Variants in ITGAD observed in about 807,000 individuals in gnomAD.
ITGAD encodes integrin alpha-D.
A neutral mutation model predicts 139.0 loss-of-function variants in ITGAD; 105 were observed. The ratio of observed to expected loss-of-function variants is 0.76; its 90% CI spans 0.65 to 0.89. ITGAD has a LOEUF of 0.89. ITGAD is among the 40% of genes least tolerant of loss of function. The probability of loss-of-function intolerance (pLI) is 0.00; values close to 1 mark genes in which losing one functional copy is unlikely to be tolerated. For synonymous variants in ITGAD, 569 were observed against 598.3 expected, an observed-to-expected ratio of 0.95 and a Z score of 0.71; for missense variants, 1,384 against 1,487.3, an observed-to-expected ratio of 0.93 and a Z score of 1.14.
At position 31,410,796 on chromosome 16, in the gene ITGAD, G is replaced by C; in HGVS notation, c.1274G>C (p.Arg425Pro). The change falls in exon 12 of 30, where the codon CGC becomes CCC. Residue 425 changes from arginine to proline, a missense_variant. Transcript: ENST00000389202. ...GVQNLVLGAPRYQHTGKAVIF... is the reference protein window; with the variant it reads ...GVQNLVLGAPPYQHTGKAVIF... ...CAGAACCTGGTCCTGGGGGCCCCCC[G>C]CTACCAGCATACCGGGAAGGCTGTC... The C allele has an allele frequency of 6.2e-7, 1 of 1,613,652 alleles. No homozygotes were observed. Among genetic ancestry groups the C allele is most frequent in the Non-Finnish European group, 8.5e-7 (1 of 1,179,890 alleles).
chr16:31,408,493 A>G lies in ITGAD; in HGVS notation c.1078A>G (p.Thr360Ala), dbSNP rs1239332360. 3 of 1,613,556 alleles carry G rather than the reference A, an allele frequency of 1.9e-6. No individual in the cohort carries two copies. The highest frequency in any genetic ancestry group is 2.2e-5 in the East Asian group (1 of 44,878). ...CCAAGAAGGCTTCAGCACAGCCCTCACAATGGTGGGTAGAGCCTGCCCTCA... is the reference window on the plus strand; with the variant it reads ...CCAAGAAGGCTTCAGCACAGCCCTCGCAATGGTGGGTAGAGCCTGCCCTCA... Reference protein sequence around the residue: ...MSQEGFSTALTMDGLFLGAVG... With the variant: ...MSQEGFSTALAMDGLFLGAVG... Residue 360 changes from threonine to alanine, a missense_variant, in exon 10 of 30, where the codon ACA becomes GCA. Transcript: ENST00000389202.
At chr16:31,418,819 G>A (rs1480016153) in intron 23 of ITGAD, among the ~76,000 whole-genome samples, 5 of 152,062 alleles carry the variant, frequency 3.3e-5, no homozygotes, top group Non-Finnish European at 5.9e-5. Context: ...TCAGGAGTTC[G>A]AGACCAGCTT....
Position 31,403,526 on chromosome 16 carries a change from C to A in ITGAD, c.585C>A (p.Leu195=). ...TLFALMQYSN[L]LKIHFTFTQF... ...TTGCACTGATGCAGTACTCAAACCT[C>A]CTGAAGATCCACTTCACCTTCACCC... The change falls in exon 7 of 30, where the codon CTC becomes CTA. Residue 195 remains leucine, a synonymous_variant. Transcript: ENST00000389202. This position sits in a 1 kb window ranked among gnomAD's most constrained non-coding sequence, Gnocchi z 4.4. 6.2e-7 allele frequency: 1 copy of A among 1,614,210 alleles called. No individual in the cohort carries two copies. Among genetic ancestry groups the A allele is most frequent in the Non-Finnish European group, 8.5e-7 (1 of 1,180,046 alleles).
intron 2 of ITGAD, 109 bp downstream of exon 2, chr16:31,394,450 A>C (rs771865204): frequency 8.5e-6 from 6 of 703,712 alleles, no homozygotes; most frequent in Non-Finnish European, 1.5e-5. Context: ...AGCAGGGGTG[A>C]GAAGTCTTCC....
rs749274631 is a variant in ITGAD, at chr16:31,397,477, G to C, written c.241+15G>C. On this transcript the variant is annotated intron_variant, in intron 3 of 29. Transcript: ENST00000389202. ...CCCGCTGCACAGTGAGTGACCACCT[G>C]GGAATTGGGCCCCTCAACCCTCCTG... 25 of 1,584,788 alleles carry C rather than the reference G, an allele frequency of 1.6e-5. No homozygotes were observed. In the South Asian group the frequency reaches 2.3e-4, roughly 14 times the overall value.
At chr16:31,414,641 AG>A (rs201022503) in intron 17 of ITGAD, 36 bp downstream of exon 17, 55,575 of 1,612,546 alleles carry the variant, frequency 0.034, 1,135 homozygotes, top group Non-Finnish European at 0.042. Context: ...GGGAGAGAGG[AG>A]GAGCCCAAGG....
intron 29 of ITGAD, 102 bp downstream of exon 29, chr16:31,424,679 C>G (rs1171859264): frequency 1.5e-6 from 1 of 673,798 alleles, no homozygotes; most frequent in Admixed American, 3.1e-5. Context: ...CTCACTGCAA[C>G]CTCCACCTCC....
At chr16:31,414,094 C>A (rs1330391397) in intron 16 of ITGAD, among the ~76,000 whole-genome samples, 2 of 152,138 alleles carry the variant, frequency 1.3e-5, no homozygotes, top group African/African-American at 4.8e-5. Flanking sequence ...AATCACCTAT[C>A]TAATCTATCA....
At chr16:31,395,593 G>A (rs1392883585) in intron 2 of ITGAD, among the ~76,000 whole-genome samples, 1 of 152,172 alleles carries the variant, frequency 6.6e-6, no homozygotes, top group African/African-American at 2.4e-5. Context: ...GAGAGCAGAA[G>A]AAAGGTAAGA....
At chr16:31,410,053 C>T (rs775337799) in intron 10 of ITGAD, among the ~76,000 whole-genome samples, 3 of 152,030 alleles carry the variant, frequency 2.0e-5, no homozygotes, top group Non-Finnish European at 4.4e-5. Context: ...GGCTCCATGG[C>T]TTTGATGGGG....
At position 31,397,598 on chromosome 16, in the gene ITGAD, C is replaced by T. The variant is rs777928308; in HGVS notation, c.244C>T (p.Arg82Cys). 46 of 1,606,538 alleles carry T rather than the reference C, an allele frequency of 2.9e-5. No individual in the cohort carries two copies. Among genetic ancestry groups the T allele is most frequent in the African/African-American group, 6.7e-5 (5 of 74,856 alleles). The change falls in exon 4 of 30, where the codon CGC becomes TGC. Residue 82 changes from arginine (R) to cysteine (C), a missense_variant and splice_region_variant. Transcript: ENST00000389202. ...ACCCCGCGTGTCTGCCCTTGCAGTC[C>T]GCCCTGAGGCCGTGAACATGTCCTT... is the stretch of plus-strand genomic sequence containing the variant. ...GMCQPIPLHI[R>C]PEAVNMSLGL...
intron 7 of ITGAD, chr16:31,404,689 G>T (rs1302625025): frequency 6.6e-6 from 1 of 152,364 alleles, no homozygotes; most frequent in East Asian, 1.9e-4. Context: ...TGCCCAGACT[G>T]CAGGAAATTT....
chr16:31,416,104 G>C (rs1454697149), intron 18 of ITGAD, 109 bp from the exon 19 acceptor site: 7 of 837,656 alleles, frequency 8.4e-6, no homozygotes, highest in Admixed American at 2.4e-5. Flanking sequence ...CCAGCAAAGT[G>C]CTGGGGGCAG....
At position 31,403,803 on chromosome 16, in the gene ITGAD, C is replaced by A; in HGVS notation, c.704+158C>A. 1 of 838,920 alleles carries A rather than the reference C, an allele frequency of 1.2e-6. No individual in the cohort carries two copies. Among genetic ancestry groups the A allele is most frequent in the South Asian group, 1.7e-5 (1 of 57,358 alleles). The allele number at this position is 838,920 out of a possible 1,614,324, so 52.0% of individuals were successfully genotyped here. A position where few individuals can be genotyped will look rare whatever the true frequency, so the allele number is the denominator to read the frequency against. The stretch of plus-strand genomic sequence containing the variant: ...AGGGAGAACCTCCCCCCGGGGTGCT[C>A]CTGGTTGCCTCGCTGCCAGTCTCCC... On this transcript the variant is annotated intron_variant, in intron 7 of 29. Coordinates refer to ENST00000389202, the MANE Select transcript of ITGAD (RefSeq NM_005353.3). The surrounding 1 kb of genome is among the most constrained non-coding windows in gnomAD (Gnocchi z 4.4).
chr16:31,398,472 T>C (rs1597108082), intron 5 of ITGAD, among the ~76,000 whole-genome samples: 2 of 150,478 alleles, frequency 1.3e-5, no homozygotes, highest in Non-Finnish European at 3.0e-5. Context: ...TCAGGCTGCA[T>C]GCACCACCAC....
chr16:31,396,804 T>C (rs186636707), intron 2 of ITGAD, among the ~76,000 whole-genome samples: 24 of 152,352 alleles, frequency 1.6e-4, no homozygotes, highest in Admixed American at 9.2e-4. Flanking sequence ...AATAAACCCT[T>C]GACTCTACAT....
rs772405426 is a variant in ITGAD, at chr16:31,411,191, T to G, written c.1472T>G (p.Val491Gly). The G allele has an allele frequency of 1.2e-6, 2 of 1,613,812 alleles. No individual in the cohort carries two copies. The highest frequency in any genetic ancestry group is 1.7e-6 in the Non-Finnish European group (2 of 1,179,866). The change falls in exon 13 of 30, where the codon GTG (valine) becomes GGG (glycine). Residue 491 changes from valine to glycine, a missense_variant. Physicochemically the swap from Val to Gly is moderately radical, Grantham distance 109. Coordinates refer to ENST00000389202, the MANE Select transcript of ITGAD (RefSeq NM_005353.3). The part of the protein sequence containing the change: ...HYYEQTRGGQ[V>G]SVCPLPRGRV... ...TATGAGCAGACCCGAGGGGGCCAGGTGTCCGTGTGTCCCTTGCCTAGGGGG... is the reference window on the plus strand; with the variant it reads ...TATGAGCAGACCCGAGGGGGCCAGGGGTCCGTGTGTCCCTTGCCTAGGGGG...
At chr16:31,410,609 C>T in intron 11 of ITGAD, 85 bp downstream of exon 11, 1 of 1,132,214 alleles carries the variant, frequency 8.8e-7, no homozygotes, top group South Asian at 1.5e-5. Context: ...GGGATGGGCG[C>T]TGTGCTGCCT....
rs754064352 is a variant in ITGAD, at chr16:31,397,659, G to T, written c.305G>T (p.Arg102Leu). Residue 102 changes from arginine (R) to leucine (L), a missense_variant, in exon 4 of 30, where the codon CGG becomes CTG. Arg to Leu is a moderately radical substitution (Grantham distance 102). Transcript: ENST00000389202. ...CTGGCAGCCTCCACCAACGGCTCCC[G>T]GCTCCTGGTGAGTGAGTGTCTTGGG... ...LTLAASTNGS[R>L]LLACGPTLHR... is the part of the protein sequence containing the mutation. 6.2e-7 allele frequency: 1 copy of T among 1,601,218 alleles called. No homozygotes were observed.
Sources: allele counts gnomAD v4.1 joint callset (sites outside exome capture counted in the v4.1 genomes callset), GRCh38; gene constraint gnomAD v4.1.1; non-coding constraint Gnocchi (gnomAD v3.1); transcripts MANE v1.5; gene names NCBI Gene and HGNC (gene_info 2026-07-23, HGNC 2026-07-21).